SBF2: variants seen among roughly 807,000 people sequenced by gnomAD.
SBF2 encodes the protein myotubularin-related protein 13.
Under a neutral mutation model 225.2 loss-of-function variants are expected in SBF2, and 112 were observed. The ratio of observed to expected loss-of-function variants is 0.50; its 90% confidence interval spans 0.43 to 0.58. The LOEUF is 0.58. SBF2 is among the 20% of genes least tolerant of loss of function. The pLI is 0.00. For missense variants in SBF2, 1,996 were observed against 2,206.2 expected (o/e 0.90, Z 1.91); for synonymous variants, 763 against 773.3 (o/e 0.99, Z 0.22).
At chr11:9,815,316 C>T (rs1199620171) in intron 29 of SBF2, among the ~76,000 whole-genome samples, 6 of 136,896 alleles carry the variant, frequency 4.4e-5, no homozygotes, top group South Asian at 4.9e-4. Context: ...AAAAGCTGGG[C>T]GTGGTGACGC....
intron 2 of SBF2, among the ~76,000 whole-genome samples, chr11:10,116,101 G>A (rs1005917201): frequency 3.9e-5 from 6 of 152,134 alleles, no homozygotes; most frequent in African/African-American, 7.2e-5. Flanking sequence ...CCTGGGAGGC[G>A]GAGCTTGCCG....
At chr11:9,902,047 T>C (rs1417799851) in intron 16 of SBF2, among the ~76,000 whole-genome samples, 5 of 152,206 alleles carry the variant, frequency 3.3e-5, no homozygotes. Flanking sequence ...TTCTTTGACA[T>C]ATTGTGAAAT....
At chr11:10,164,675 A>G (rs17359382) in intron 2 of SBF2, among the ~76,000 whole-genome samples, 16,167 of 151,548 alleles carry the variant, frequency 0.11, 1,020 homozygotes, top group Non-Finnish European at 0.11. Flanking sequence ...TTTGAAGACT[A>G]AAAAGACTAC....
intron 6 of SBF2, among the ~76,000 whole-genome samples, chr11:10,019,569 C>G (rs1024638065): frequency 3.3e-5 from 5 of 150,614 alleles, no homozygotes; most frequent in African/African-American, 1.2e-4. Flanking sequence ...TTTTTTAACC[C>G]TGATAAGTTT....
chr11:10,045,534 C>T (rs1401430976), intron 2 of SBF2, among the ~76,000 whole-genome samples: 6 of 152,156 alleles, frequency 3.9e-5, no homozygotes, highest in Non-Finnish European at 5.9e-5. Flanking sequence ...CAGTGCTGGA[C>T]GAACGCCTGA....
chr11:9,844,977 T>C (rs1015953746), intron 24 of SBF2, among the ~76,000 whole-genome samples: 10 of 152,126 alleles, frequency 6.6e-5, no homozygotes, highest in Non-Finnish European at 1.3e-4. Flanking sequence ...AGGAAACATA[T>C]TGTGATGTAC....
At chr11:10,226,860 G>A (rs1958586275) in intron 1 of SBF2, among the ~76,000 whole-genome samples, 1 of 152,142 alleles carries the variant, frequency 6.6e-6, no homozygotes, top group African/African-American at 2.4e-5. Flanking sequence ...TGGGATGGCT[G>A]GGTCAAATGG....
At chr11:10,238,295 G>T (rs572821895) in intron 1 of SBF2, among the ~76,000 whole-genome samples, 1 of 152,058 alleles carries the variant, frequency 6.6e-6, no homozygotes, top group Admixed American at 6.5e-5. Flanking sequence ...GGCAATCCCA[G>T]CTACTCGGGA....
At chr11:9,997,641 G>C (rs1410605758) in intron 9 of SBF2, among the ~76,000 whole-genome samples, 1 of 152,202 alleles carries the variant, frequency 6.6e-6, no homozygotes, top group Non-Finnish European at 1.5e-5. Flanking sequence ...AGCCGGGCGT[G>C]GTGGCGGGCG....
chr11:10,093,238 C>T (rs1386829439), intron 2 of SBF2, among the ~76,000 whole-genome samples: 1 of 151,940 alleles, frequency 6.6e-6, no homozygotes, highest in Non-Finnish European at 1.5e-5. Flanking sequence ...TGGTCTCAAA[C>T]TCCTGGCCTC....
chr11:10,133,019 A>G lies in SBF2; in HGVS notation c.141+60883T>C, dbSNP rs575570285. ...AGGGTGCTGATTGGTGTGTTTACAA[A>G]CCTTGAGCTAGATACAGAGTGCCGA... On this transcript the variant is annotated intron_variant, in intron 2 of 39. Transcript: ENST00000256190. 5.4e-4 allele frequency among the ~76,000 whole-genome samples: 77 copies of G among 143,030 alleles called. 2 individuals are homozygous for G. The highest frequency in any genetic ancestry group is 1.9e-3 in the African/African-American group (73 of 38,506). The allele number at this position is 143,030 out of a possible 152,430, so 93.8% of individuals were successfully genotyped here. A position where few individuals can be genotyped will look rare whatever the true frequency, so the allele number is the denominator to read the frequency against.
intron 16 of SBF2, among the ~76,000 whole-genome samples, chr11:9,937,329 T>A (rs1056031557): frequency 1.3e-5 from 2 of 151,582 alleles, no homozygotes; most frequent in African/African-American, 2.4e-5. Flanking sequence ...CAATCATGGA[T>A]CAATGAAAAA....
At chr11:9,974,729 G>A (rs1475048968) in intron 13 of SBF2, among the ~76,000 whole-genome samples, 4 of 150,644 alleles carry the variant, frequency 2.7e-5, no homozygotes, top group South Asian at 2.1e-4. Flanking sequence ...AGCACTTTGC[G>A]AGGCCGAGGC....
At chr11:9,896,831 TG>T (rs1174164151) in intron 16 of SBF2, among the ~76,000 whole-genome samples, 7 of 151,638 alleles carry the variant, frequency 4.6e-5, no homozygotes, top group African/African-American at 1.7e-4. Flanking sequence ...ATCTTTCTAT[TG>T]ATCAGACAAG....
intron 22 of SBF2, 113 bp from the exon 23 acceptor site, chr11:9,847,196 G>T: frequency 7.7e-7 from 1 of 1,300,282 alleles, no homozygotes; most frequent in Non-Finnish European, 1.1e-6. Context: ...AGAGGACACT[G>T]CCCAGGGATG....
chr11:9,781,679 A>G lies in SBF2; in HGVS notation c.5320-41T>C, dbSNP rs1448011331. 3.1e-6 allele frequency: 5 copies of G among 1,613,486 alleles called. No individual in the cohort carries two copies. In the East Asian group the frequency reaches 8.9e-5, roughly 29 times the overall value. On this transcript the variant is annotated intron_variant, in intron 38 of 39. Transcript: ENST00000256190. ...TACAAGTGAGATATAAGAGACAGAA[A>G]GAGAAAATGCCATGGCTTTTCAAAC...
intron 16 of SBF2, chr11:9,959,224 G>C (rs1565059856): frequency 6.4e-6 from 5 of 776,764 alleles, no homozygotes; most frequent in Non-Finnish European, 1.2e-5. Flanking sequence ...CATGACCTCA[G>C]CATTAGTCCC....
chr11:10,021,229 T>G (rs1257555732), intron 6 of SBF2, among the ~76,000 whole-genome samples: 1 of 152,174 alleles, frequency 6.6e-6, no homozygotes, highest in Non-Finnish European at 1.5e-5. Flanking sequence ...TGAACAGACA[T>G]GACAAAAGAT....
intron 1 of SBF2, among the ~76,000 whole-genome samples, chr11:10,201,571 A>T (rs1676909614): frequency 6.6e-6 from 1 of 152,236 alleles, no homozygotes. Flanking sequence ...TTATTTAAAA[A>T]TTTAGGTAGG....
Sources: gnomAD v4.1 joint callset for allele counts (sites outside exome capture counted in the v4.1 genomes callset) on GRCh38, gnomAD v4.1.1 for gene constraint, MANE v1.5 for transcripts, NCBI Gene and HGNC (gene_info 2026-07-23, HGNC 2026-07-21) for gene names.